EML6: variants seen among roughly 807,000 people sequenced by gnomAD.
EML6 encodes the protein echinoderm microtubule-associated protein-like 6.
A neutral mutation model predicts 240.1 loss-of-function variants in EML6; 154 were observed. The ratio of observed to expected loss-of-function variants is 0.64; its 90% confidence interval spans 0.56 to 0.73. The LOEUF (loss-of-function observed/expected upper bound fraction) is 0.73, where lower values mean the gene tolerates loss of function less well. Ranked by LOEUF, EML6 falls within the 30% of genes least tolerant of loss-of-function variation. The probability of loss-of-function intolerance (pLI) is 0.00; values close to 1 mark genes in which losing one functional copy is unlikely to be tolerated. For synonymous variants in EML6, 1,148 were observed against 899.0 expected (o/e 1.28, Z -4.95); for missense variants, 2,964 against 2,474.6 (o/e 1.20, Z -4.20).
intron 7 of EML6, among the ~76,000 whole-genome samples, chr2:54,830,229 G>A (rs1668799649): frequency 6.6e-6 from 1 of 152,282 alleles, no homozygotes; most frequent in South Asian, 2.1e-4. Context: ...AAAGATTAAA[G>A]TGGAAAATGT....
chr2:54,853,751 T>C lies in EML6; in HGVS notation c.1553T>C (p.Val518Ala). 1 of 1,551,604 alleles carries C rather than the reference T, an allele frequency of 6.4e-7. No individual in the cohort carries two copies. Among genetic ancestry groups the C allele is most frequent in the Non-Finnish European group, 8.7e-7 (1 of 1,146,898 alleles). The change falls in exon 11 of 42, where the codon GTT becomes GCT. Residue 518 changes from valine (V) to alanine (A), a missense_variant. Coordinates refer to ENST00000356458, the MANE Select transcript of EML6 (RefSeq NM_001039753.4). Reference sequence around the variant, plus strand: ...GGAATTTGGCCCAAATACACTGAGGTTACTGACATCAACTCAGTGGATGCG... The same window carrying C: ...GGAATTTGGCCCAAATACACTGAGGCTACTGACATCAACTCAGTGGATGCG... ...VSGIWPKYTE[V>A]TDINSVDANY...
intron 16 of EML6, among the ~76,000 whole-genome samples, chr2:54,876,574 G>A (rs533082134): frequency 6.6e-6 from 1 of 152,162 alleles, no homozygotes; most frequent in Non-Finnish European, 1.5e-5. Flanking sequence ...AAATGTATTT[G>A]TGCTTGCATT....
At chr2:54,895,239 G>C (rs1672700555) in intron 20 of EML6, 34 bp from the exon 21 acceptor site, 1 of 1,548,758 alleles carries the variant, frequency 6.5e-7, no homozygotes, top group Non-Finnish European at 8.7e-7. Context: ...AGTTGTTTTT[G>C]TTATTGTGTT....
intron 17 of EML6, among the ~76,000 whole-genome samples, chr2:54,885,728 C>T (rs375322404): frequency 2.0e-5 from 3 of 152,132 alleles, no homozygotes; most frequent in South Asian, 4.1e-4. Flanking sequence ...TCTCTTGCCT[C>T]AGCCTCCTGA....
chr2:54,724,370 A>T lies in EML6; in HGVS notation c.-513-179A>T, dbSNP rs1682811221. Among the ~76,000 whole-genome samples, 1 of 152,214 alleles carries T rather than the reference A, an allele frequency of 6.6e-6. No individual in the cohort carries two copies. Among genetic ancestry groups the T allele is most frequent in the South Asian group, 2.1e-4 (1 of 4,832 alleles). On this transcript the variant is annotated intron_variant, in intron 1 of 41. Coordinates refer to ENST00000356458, the MANE Select transcript of EML6 (RefSeq NM_001039753.4). This position sits in a 1 kb window ranked among gnomAD's most constrained non-coding sequence, Gnocchi z 5.2. Reference sequence around the variant, plus strand: ...CAAATCGCATCAGCAACTGCCAGGCAGCAGCATTTACGCATATTTCATATC... The same window carrying T: ...CAAATCGCATCAGCAACTGCCAGGCTGCAGCATTTACGCATATTTCATATC...
chr2:54,737,917 C>G (rs1683468319), intron 2 of EML6, among the ~76,000 whole-genome samples: 1 of 152,186 alleles, frequency 6.6e-6, no homozygotes, highest in Admixed American at 6.5e-5. Context: ...CTAGCTGCTG[C>G]TTGAATACCC....
chr2:54,880,266 A>G (rs530597190), intron 17 of EML6: 2 of 152,296 alleles, frequency 1.3e-5, no homozygotes, highest in South Asian at 4.2e-4. Context: ...TGTTTGCCCA[A>G]CCCTGATCAG....
intron 28 of EML6, among the ~76,000 whole-genome samples, chr2:54,942,513 C>T (rs755866933): frequency 6.6e-6 from 1 of 152,062 alleles, no homozygotes; most frequent in Non-Finnish European, 1.5e-5. Flanking sequence ...ATGTGGTAAC[C>T]GAGGAGGCAT....
chr2:54,819,708 G>A (rs569475530), intron 4 of EML6, among the ~76,000 whole-genome samples: 10 of 143,264 alleles, frequency 7.0e-5, no homozygotes, highest in East Asian at 2.0e-4. Flanking sequence ...CCTGGGAAGC[G>A]GAGTTGCAGT....
chr2:54,938,571 A>G (rs1391049811), intron 28 of EML6, among the ~76,000 whole-genome samples: 1 of 152,226 alleles, frequency 6.6e-6, no homozygotes, highest in Non-Finnish European at 1.5e-5. Flanking sequence ...GAATCTGAGT[A>G]CATGCCTACC....
chr2:54,962,754 T>C (rs1278768528), intron 36 of EML6, 43 bp downstream of exon 36: 1 of 1,408,096 alleles, frequency 7.1e-7, no homozygotes, highest in East Asian at 2.7e-5. Context: ...ACGAGTGGGC[T>C]GCGCGGCAGT....
chr2:54,797,177 A>AAAAAAAAAAAAACAAAAACAAAC (rs1558556981), intron 2 of EML6, among the ~76,000 whole-genome samples: 1 of 132,688 alleles, frequency 7.5e-6, no homozygotes, highest in African/African-American at 2.9e-5. Flanking sequence ...AAAAAAAAAA[A>AAAAAAAAAAAAACAAAAACAAAC]AAAAAAAAAA....
chr2:54,787,604 T>C (rs145722457), intron 2 of EML6, among the ~76,000 whole-genome samples: 21 of 152,336 alleles, frequency 1.4e-4, no homozygotes, highest in African/African-American at 4.8e-4. Flanking sequence ...AAATAGTAGC[T>C]AATGTCACTG....
Position 54,958,009 on chromosome 2 carries a change from G to A in EML6, c.4695+11G>A. 1 of 1,544,408 alleles carries A rather than the reference G, an allele frequency of 6.5e-7. No homozygotes were observed. Among genetic ancestry groups the A allele is most frequent in the Non-Finnish European group, 8.8e-7 (1 of 1,141,804 alleles). ...GTGGCCTTCGGTGCTGTGAGTTCTA[G>A]CAGATACTCCCTGAGAAGGGGACCC... On this transcript the variant is annotated intron_variant, in intron 33 of 41. Coordinates refer to ENST00000356458, the MANE Select transcript of EML6 (RefSeq NM_001039753.4).
chr2:54,806,365 C>T (rs1294415812), intron 2 of EML6, among the ~76,000 whole-genome samples: 1 of 152,090 alleles, frequency 6.6e-6, no homozygotes, highest in Non-Finnish European at 1.5e-5. Flanking sequence ...GTAATCCCAG[C>T]ATTTTGGGAG....
chr2:54,746,949 T>A (rs893133498), intron 2 of EML6, among the ~76,000 whole-genome samples: 11 of 152,238 alleles, frequency 7.2e-5, no homozygotes, highest in Non-Finnish European at 1.5e-4. Flanking sequence ...TGTTTTTTAC[T>A]GAATGTCAAT....
Position 54,725,174 on chromosome 2 carries a change from A to C in EML6, c.113A>C (p.Tyr38Ser). ...LYYTAGKEVV[Y>S]FVAGVGVVYN... ...TACACGGCAGGCAAGGAGGTGGTCT[A>C]CTTTGTGGCTGGGGTCGGGGTGGTT... The change falls in exon 2 of 42, where the codon TAC becomes TCC. Residue 38 changes from tyrosine to serine, a missense_variant. Transcript: ENST00000356458. This position sits in a 1 kb window ranked among gnomAD's most constrained non-coding sequence, Gnocchi z 4.3. 2 of 1,531,024 alleles carry C rather than the reference A, an allele frequency of 1.3e-6. No homozygotes were observed. The highest frequency in any genetic ancestry group is 1.8e-6 in the Non-Finnish European group (2 of 1,136,838). The allele number at this position is 1,531,024 out of a possible 1,614,324, so 94.8% of individuals were successfully genotyped here. A position where few individuals can be genotyped will look rare whatever the true frequency, so the allele number is the denominator to read the frequency against.
At chr2:54,902,592 T>C (rs1284881683) in intron 22 of EML6, among the ~76,000 whole-genome samples, 1 of 152,158 alleles carries the variant, frequency 6.6e-6, no homozygotes, top group Non-Finnish European at 1.5e-5. Flanking sequence ...AGAGATGGGA[T>C]TTTGCTGCGT....
At chr2:54,746,925 A>T (rs1488810696) in intron 2 of EML6, among the ~76,000 whole-genome samples, 2 of 152,214 alleles carry the variant, frequency 1.3e-5, no homozygotes, top group Non-Finnish European at 1.5e-5. Flanking sequence ...GTCACTCAGT[A>T]GATATCCCAG....
Sources: gnomAD v4.1 joint callset for allele counts (sites outside exome capture counted in the v4.1 genomes callset) on GRCh38, gnomAD v4.1.1 for gene constraint, Gnocchi (gnomAD v3.1) non-coding constraint, MANE v1.5 for transcripts, NCBI Gene and HGNC (gene_info 2026-07-23, HGNC 2026-07-21) for gene names.